The following IL19 variants were observed in gnomAD, a reference collection of about 807,000 sequenced individuals.
IL19 encodes the protein interleukin 19.
IL19 carries 15 observed loss-of-function variants against 19.5 expected under a neutral mutation model. The ratio of observed to expected loss-of-function variants is 0.77; its 90% CI spans 0.52 to 1.19. The LOEUF (loss-of-function observed/expected upper bound fraction) is 1.19, where lower values mean the gene tolerates loss of function less well. IL19 is among the 50% of genes most tolerant of loss of function. The pLI is 0.00. For missense variants in IL19, 199 were observed against 213.1 expected (o/e 0.93, Z 0.41); for synonymous variants, 78 against 78.3 (o/e 1.00, Z 0.02).
chr1:206,805,233 G>A (rs570354708), intron 2 of IL19, among the ~76,000 whole-genome samples: 5 of 152,274 alleles, frequency 3.3e-5, no homozygotes, highest in Admixed American at 6.5e-5. Context: ...GTACTGATCC[G>A]TTTACATGTC....
chr1:206,830,553 A>G (rs936160618), intron 2 of IL19, among the ~76,000 whole-genome samples: 3 of 147,640 alleles, frequency 2.0e-5, no homozygotes, highest in Non-Finnish European at 3.0e-5. Flanking sequence ...TCCCAAATAA[A>G]ATACCCATCC....
chr1:206,840,352 C>A (rs1279284589), intron 5 of IL19: 4 of 392,096 alleles, frequency 1.0e-5, no homozygotes, highest in Admixed American at 7.2e-5. Flanking sequence ...CATCAATAAA[C>A]CTCTGGGTAG....
chr1:206,838,965 G>T (rs559547832), intron 4 of IL19, among the ~76,000 whole-genome samples: 1 of 152,348 alleles, frequency 6.6e-6, no homozygotes, highest in South Asian at 2.1e-4. Context: ...TTGCCATCTA[G>T]GAAAAGCTGA....
chr1:206,771,297 G>C, intron 1 of IL19: 1 of 1,460,176 alleles, frequency 6.8e-7, no homozygotes, highest in Non-Finnish European at 9.6e-7. Flanking sequence ...TCAGGAAGCA[G>C]AGTCTCCCTT....
intron 6 of IL19, among the ~76,000 whole-genome samples, chr1:206,841,671 C>A (rs1677024041): frequency 6.6e-6 from 1 of 152,182 alleles, no homozygotes; most frequent in South Asian, 2.1e-4. Context: ...CTTTGAAGAG[C>A]AAGAGTTAGG....
intron 2 of IL19, among the ~76,000 whole-genome samples, chr1:206,810,894 A>G (rs1675988535): frequency 6.6e-6 from 1 of 152,150 alleles, no homozygotes; most frequent in Non-Finnish European, 1.5e-5. Context: ...TAGTTGTTTA[A>G]AAGAGCATGG....
At chr1:206,817,761 C>CTTT (rs373441723) in intron 2 of IL19, among the ~76,000 whole-genome samples, 1 of 139,796 alleles carries the variant, frequency 7.2e-6, no homozygotes. Flanking sequence ...TAGAAGATTT[C>CTTT]TTTTTTTTTT....
rs182422571 is a variant in IL19 at position 206,806,794 on chromosome 1, C to T, written c.-3+7788C>T. On this transcript the variant is annotated intron_variant, in intron 2 of 6. Coordinates refer to ENST00000659997, the MANE Select transcript of IL19 (RefSeq NM_153758.5). ...TATTTTATCCGGACCACTGTCACAG[C>T]CTATTAAGTTGCCTGTCTCTTCCAC... is the stretch of plus-strand genomic sequence containing the variant. Among the ~76,000 whole-genome samples the T allele has an allele frequency of 4.5e-3, 679 of 152,262 alleles. 1 individual carries two copies. Among genetic ancestry groups the T allele is most frequent in the Non-Finnish European group, 6.9e-3 (470 of 68,016 alleles).
chr1:206,788,502 A>C (rs1675316816), intron 1 of IL19, among the ~76,000 whole-genome samples: 1 of 148,108 alleles, frequency 6.8e-6, no homozygotes, highest in Non-Finnish European at 1.5e-5. Flanking sequence ...ATGCAGAGAC[A>C]AATAATGTGA....
At chr1:206,839,454 A>G (rs1238941570) in intron 4 of IL19, among the ~76,000 whole-genome samples, 2 of 152,150 alleles carry the variant, frequency 1.3e-5, no homozygotes, top group African/African-American at 4.8e-5. Flanking sequence ...CAGCCCCTGT[A>G]GTGTAGGGAA....
At position 206,842,979 on chromosome 1, in the gene IL19, G is replaced by A. The variant is rs1677070519; in HGVS notation, c.*357G>A. 6.3e-6 allele frequency: 1 copy of A among 157,960 alleles called. No homozygotes were observed. The highest frequency in any genetic ancestry group is 2.4e-5 in the African/African-American group (1 of 41,676). The allele number at this position is 157,960 out of a possible 1,614,324, so 9.8% of individuals were successfully genotyped here. On this transcript the variant is annotated 3_prime_UTR_variant, in exon 7 of 7. Transcript: ENST00000659997. ...TGAATAAATTCCATATTTTACCTAT[G>A]AATGGAAGGATCTTTTCATTCAGGG...
chr1:206,780,802 T>C (rs1306181468), intron 1 of IL19, among the ~76,000 whole-genome samples: 1 of 152,218 alleles, frequency 6.6e-6, no homozygotes, highest in Non-Finnish European at 1.5e-5. Flanking sequence ...CTCTGGGTTC[T>C]CTGGGCCTGC....
chr1:206,796,584 C>A (rs1166893488), intron 1 of IL19, among the ~76,000 whole-genome samples: 1 of 152,018 alleles, frequency 6.6e-6, no homozygotes, highest in African/African-American at 2.4e-5. Flanking sequence ...TTTACTATAC[C>A]TTTTCTATGT....
At chr1:206,815,939 A>T (rs1487370317) in intron 2 of IL19, among the ~76,000 whole-genome samples, 1 of 152,142 alleles carries the variant, frequency 6.6e-6, no homozygotes, top group African/African-American at 2.4e-5. Flanking sequence ...TTTCATTACA[A>T]TGTTGATGAG....
chr1:206,772,297 C>A, intron 1 of IL19: 3 of 1,614,174 alleles, frequency 1.9e-6, no homozygotes, highest in Non-Finnish European at 2.5e-6. Flanking sequence ...CTGCTGAAGG[C>A]ATCTCGGAGA....
chr1:206,791,510 C>G (rs1343581751), intron 1 of IL19, among the ~76,000 whole-genome samples: 2 of 152,134 alleles, frequency 1.3e-5, no homozygotes, highest in African/African-American at 4.8e-5. Context: ...ACCATGTTGG[C>G]CAGGCTGGTC....
At chr1:206,828,097 C>T (rs997315022) in intron 2 of IL19, among the ~76,000 whole-genome samples, 4 of 1,550 alleles carry the variant, frequency 2.6e-3, no homozygotes, top group Admixed American at 0.014. Flanking sequence ...CTCCTGCTTA[C>T]CAGGCCTCTG....
At chr1:206,814,339 A>G (rs1676092733) in intron 2 of IL19, among the ~76,000 whole-genome samples, 1 of 151,866 alleles carries the variant, frequency 6.6e-6, no homozygotes, top group Non-Finnish European at 1.5e-5. Flanking sequence ...GCAGCAAGAG[A>G]AAATGGTTAA....
chr1:206,840,949 G>A, intron 5 of IL19, 55 bp from the exon 6 acceptor site: 2 of 1,428,696 alleles, frequency 1.4e-6, no homozygotes, highest in Non-Finnish European at 2.0e-6. Context: ...GCAGGAGTAA[G>A]AGAGGGCCAG....
Sources: allele counts gnomAD v4.1 joint callset (sites outside exome capture counted in the v4.1 genomes callset), GRCh38; gene constraint gnomAD v4.1.1; transcripts MANE v1.5; gene names NCBI Gene and HGNC (gene_info 2026-07-23, HGNC 2026-07-21).